The following PDE4D variants were observed in gnomAD, a reference collection of about 807,000 sequenced individuals.
PDE4D encodes the protein phosphodiesterase 4D.
In PDE4D, 24 loss-of-function variants were observed where a neutral mutation model predicts 87.4. The ratio of observed to expected loss-of-function variants is 0.27; its 90% CI spans 0.20 to 0.39. PDE4D has a LOEUF of 0.39. PDE4D is among the 10% of genes least tolerant of loss of function. The pLI, the probability that PDE4D is intolerant of heterozygous loss-of-function variation, is 1.00. For missense variants in PDE4D, 714 were observed against 1,041.0 expected, an observed-to-expected ratio of 0.69 and a Z score of 4.32; for synonymous variants, 384 against 383.2, an observed-to-expected ratio of 1.00 and a Z score of -0.02.
Position 59,794,137 on chromosome 5 carries a change from GCACACACACACACACACACACA to G in PDE4D, c.455+99009_455+99030del, listed in dbSNP as rs58204799. ...GATACACAGACACACACACAGAGGCGCACACACACACACACACACACACACACACACACACACACACACAGAC... is the reference window on the plus strand; with the variant it reads ...GATACACAGACACACACACAGAGGCGCACACACACACACACACACACAGAC... On this transcript the variant is annotated intron_variant, in intron 1 of 14. Coordinates refer to ENST00000340635, the MANE Select transcript of PDE4D (RefSeq NM_001104631.2). 3.8e-3 allele frequency among the ~76,000 whole-genome samples: 555 copies of G among 145,064 alleles called. 9 individuals are homozygous for G. The highest frequency in any genetic ancestry group is 0.014 in the African/African-American group (530 of 38,600).
intron 1 of PDE4D, among the ~76,000 whole-genome samples, chr5:59,598,717 C>T (rs779383633): frequency 5.5e-4 from 84 of 152,042 alleles, no homozygotes; most frequent in Non-Finnish European, 8.5e-4. Flanking sequence ...CCAAGGGAGT[C>T]TAAAGGAGGA....
chr5:59,226,426 A>G (rs1753793165), intron 1 of PDE4D, among the ~76,000 whole-genome samples: 1 of 152,160 alleles, frequency 6.6e-6, no homozygotes, highest in Admixed American at 6.6e-5. Context: ...TCCCTCTTAT[A>G]TGAGGGATTT....
At chr5:59,680,943 G>T (rs1355045314) in intron 1 of PDE4D, among the ~76,000 whole-genome samples, 1 of 152,090 alleles carries the variant, frequency 6.6e-6, no homozygotes, top group Non-Finnish European at 1.5e-5. Flanking sequence ...ATGGATATAG[G>T]TATGTGTGGG....
intron 1 of PDE4D, among the ~76,000 whole-genome samples, chr5:60,269,498 C>T (rs548817503): frequency 6.6e-6 from 1 of 152,292 alleles, no homozygotes; most frequent in South Asian, 2.1e-4. Flanking sequence ...TGTGTTGATA[C>T]TAATGTTTTG....
At chr5:59,588,495 G>A (rs1243110882) in intron 1 of PDE4D, among the ~76,000 whole-genome samples, 1 of 152,118 alleles carries the variant, frequency 6.6e-6, no homozygotes, top group Non-Finnish European at 1.5e-5. Flanking sequence ...TGGAATACCG[G>A]CAACATTTAA....
At chr5:59,087,218 C>T (rs1017178368) in intron 5 of PDE4D, among the ~76,000 whole-genome samples, 1 of 152,144 alleles carries the variant, frequency 6.6e-6, no homozygotes, top group African/African-American at 2.4e-5. Flanking sequence ...GATGTGGTGA[C>T]TCCCACCTGT....
chr5:60,366,168 C>T (rs1002159984), intron 1 of PDE4D, among the ~76,000 whole-genome samples: 1 of 152,016 alleles, frequency 6.6e-6, no homozygotes, highest in Non-Finnish European at 1.5e-5. Flanking sequence ...GGAATCACAG[C>T]ATCTTCCATG....
At chr5:59,257,978 G>A (rs1049039720) in intron 1 of PDE4D, among the ~76,000 whole-genome samples, 49 of 151,854 alleles carry the variant, frequency 3.2e-4, no homozygotes, top group African/African-American at 1.2e-3. Flanking sequence ...GAGACTTGTA[G>A]GTAGGAAACC....
chr5:60,424,562 C>T (rs191887408), intron 1 of PDE4D, among the ~76,000 whole-genome samples: 1 of 151,996 alleles, frequency 6.6e-6, no homozygotes, highest in Non-Finnish European at 1.5e-5. Context: ...TTTGACAAAC[C>T]CACAGCCAAT....
intron 1 of PDE4D, among the ~76,000 whole-genome samples, chr5:59,456,682 A>T (rs1276904692): frequency 1.3e-5 from 2 of 152,204 alleles, no homozygotes; most frequent in Admixed American, 1.3e-4. Context: ...AAAATTAAAA[A>T]TCTGGATAGG....
intron 5 of PDE4D, among the ~76,000 whole-genome samples, chr5:59,152,699 C>A (rs1177963210): frequency 1.3e-5 from 2 of 151,518 alleles, no homozygotes; most frequent in Non-Finnish European, 2.9e-5. Flanking sequence ...ATGTGTTAAC[C>A]CAACTGTAGG....
intron 1 of PDE4D, among the ~76,000 whole-genome samples, chr5:59,426,793 A>T (rs901133993): frequency 3.8e-5 from 5 of 133,262 alleles, no homozygotes; most frequent in African/African-American, 2.1e-4. Flanking sequence ...ATTTTGATTA[A>T]AAAAAAATGT....
chr5:60,300,820 T>C (rs1467857721), intron 1 of PDE4D, among the ~76,000 whole-genome samples: 2 of 152,104 alleles, frequency 1.3e-5, no homozygotes, highest in Admixed American at 6.5e-5. Flanking sequence ...TTGCCCAGGC[T>C]GGAGTGCAGT....
intron 1 of PDE4D, among the ~76,000 whole-genome samples, chr5:59,305,157 C>T (rs1771070944): frequency 6.6e-6 from 1 of 152,072 alleles, no homozygotes; most frequent in Non-Finnish European, 1.5e-5. Flanking sequence ...TCCATCTCTT[C>T]TAGGTTTTCT....
intron 1 of PDE4D, among the ~76,000 whole-genome samples, chr5:59,276,659 C>G (rs1045644299): frequency 6.6e-6 from 1 of 151,846 alleles, no homozygotes; most frequent in Admixed American, 6.6e-5. Context: ...AGTGGCTGCA[C>G]GTATTAAGGC....
At chr5:59,374,650 G>A (rs1265267989) in intron 1 of PDE4D, among the ~76,000 whole-genome samples, 3 of 152,074 alleles carry the variant, frequency 2.0e-5, no homozygotes, top group Admixed American at 6.6e-5. Context: ...TTCAGGACTT[G>A]AACTTAGCAC....
intron 1 of PDE4D, among the ~76,000 whole-genome samples, chr5:59,500,262 C>A (rs150010657): frequency 6.6e-6 from 1 of 152,194 alleles, no homozygotes; most frequent in East Asian, 1.9e-4. Context: ...TGAGTGTATA[C>A]CCAAAGGAAA....
intron 1 of PDE4D, among the ~76,000 whole-genome samples, chr5:60,278,047 G>GT (rs1319354463): frequency 2.6e-5 from 4 of 152,012 alleles, no homozygotes; most frequent in Non-Finnish European, 5.9e-5. Context: ...ATGTTCCAAG[G>GT]TTCCTTTTTA....
chr5:60,110,595 A>G (rs1777574432), intron 2 of PDE4D, among the ~76,000 whole-genome samples: 1 of 152,118 alleles, frequency 6.6e-6, no homozygotes, highest in South Asian at 2.1e-4. Context: ...CAATCTGGAA[A>G]TTTCTTTAAA....
Sources: gnomAD v4.1 joint callset for allele counts (sites outside exome capture counted in the v4.1 genomes callset) on GRCh38, gnomAD v4.1.1 for gene constraint, MANE v1.5 for transcripts, NCBI Gene and HGNC (gene_info 2026-07-23, HGNC 2026-07-21) for gene names.